LAIR1: variants seen among roughly 807,000 people sequenced by gnomAD.
LAIR1 encodes leukocyte associated immunoglobulin like receptor 1.
In LAIR1, 24 loss-of-function variants were observed where a neutral mutation model predicts 32.8. The observed-to-expected ratio is 0.73, with a 90% confidence interval of 0.53 to 1.03. The LOEUF (loss-of-function observed/expected upper bound fraction) is 1.03, where lower values mean the gene tolerates loss of function less well. LAIR1 is among the 50% of genes least tolerant of loss of function. The pLI, the probability that LAIR1 is intolerant of heterozygous loss-of-function variation, is 0.00. For synonymous variants in LAIR1, 150 were observed against 140.5 expected (o/e 1.07, Z -0.48); for missense variants, 355 against 347.5 (o/e 1.02, Z -0.17).
intron 4 of LAIR1, chr19:54,358,159 CTA>C (rs1170274269): frequency 1.4e-5 from 2 of 140,368 alleles, no homozygotes; most frequent in East Asian, 2.2e-4. Context: ...TGATATAAAC[CTA>C]TGATTAAATA....
At chr19:54,374,610 C>T (rs574271476), upstream of LAIR1, among the ~76,000 whole-genome samples, 8 of 152,226 alleles carry the variant, frequency 5.3e-5, no homozygotes, top group South Asian at 4.1e-4. Flanking sequence ...TGGACAGCTG[C>T]GACGTTTTCC....
chr19:54,362,000 G>T (rs1405495853), intron 2 of LAIR1, among the ~76,000 whole-genome samples: 1 of 151,262 alleles, frequency 6.6e-6, no homozygotes, highest in East Asian at 1.9e-4. Context: ...AGAGCTGGCA[G>T]GGCTTCAATT....
upstream of LAIR1, chr19:54,365,038 T>C: frequency 7.1e-7 from 1 of 1,414,868 alleles, no homozygotes; most frequent in Non-Finnish European, 9.2e-7. Flanking sequence ...ACCCTAAATG[T>C]CGCTTAGAGG....
chr19:54,355,766 G>A lies in LAIR1; in HGVS notation c.717+188C>T, dbSNP rs999459511. Among the ~76,000 whole-genome samples the A allele has an allele frequency of 2.0e-5, 3 of 152,116 alleles. No homozygotes were observed. Among genetic ancestry groups the A allele is most frequent in the Admixed American group, 6.5e-5 (1 of 15,280 alleles). On this transcript the variant is annotated intron_variant, in intron 9 of 9. Transcript: ENST00000391742. The surrounding 1 kb of genome is among the most constrained non-coding windows in gnomAD (Gnocchi z 4.7). ...AGCCGGGGAAGTGAGCGTCTTGGACGTGGATCCTCCAGCCCACGGGAGCCT... is the reference window on the plus strand; with the variant it reads ...AGCCGGGGAAGTGAGCGTCTTGGACATGGATCCTCCAGCCCACGGGAGCCT...
At chr19:54,375,180 A>G (rs1487262717), upstream of LAIR1, among the ~76,000 whole-genome samples, 5 of 152,086 alleles carry the variant, frequency 3.3e-5, no homozygotes, top group South Asian at 4.1e-4. Flanking sequence ...TCCCTCTTCG[A>G]TCGCTAAGCT....
rs1471052132 is a variant in LAIR1, at chr19:54,353,627, G to A, written c.*1641C>T. 2 of 152,110 alleles carry A rather than the reference G, an allele frequency of 1.3e-5. No homozygotes were observed. Among genetic ancestry groups the A allele is most frequent in the Non-Finnish European group, 2.9e-5 (2 of 68,004 alleles). The allele number at this position is 152,110 out of a possible 1,614,324, so 9.4% of individuals were successfully genotyped here. A position where few individuals can be genotyped will look rare whatever the true frequency, so the allele number is the denominator to read the frequency against. ...GAAAATAATAGAGCACGCTGTGGAG[G>A]GTTTGTAGGAGAATTTAATGTGTCC... On this transcript the variant is annotated 3_prime_UTR_variant, in exon 10 of 10. Coordinates refer to ENST00000391742, the MANE Select transcript of LAIR1 (RefSeq NM_002287.6).
chr19:54,361,916 A>G (rs77731267), intron 2 of LAIR1, among the ~76,000 whole-genome samples: 8,284 of 144,448 alleles, frequency 0.057, no homozygotes, highest in Non-Finnish European at 0.089. Flanking sequence ...CTTGGGGTGG[A>G]GGAGGAAGGG....
rs879018633 is a variant in LAIR1, at chr19:54,364,892, T to TG, written c.-89dup. The TG allele has an allele frequency of 4.7e-5, 75 of 1,611,180 alleles. No individual in the cohort carries two copies. The South Asian group carries it at 6.6e-4, about 14-fold the overall frequency. ...GCAGACACAAGCAGACAGGATGTGC[T>TG]GCCCGGGGGCCTCCTGCCTATGGGG... is the stretch of plus-strand genomic sequence containing the variant. On this transcript the variant is annotated 5_prime_UTR_variant, in exon 1 of 10. Transcript: ENST00000391742. The surrounding 1 kb of genome is among the most constrained non-coding windows in gnomAD (Gnocchi z 4.8).
intron 2 of LAIR1, among the ~76,000 whole-genome samples, chr19:54,363,870 T>G (rs1467436069): frequency 6.6e-6 from 1 of 152,166 alleles, no homozygotes; most frequent in East Asian, 1.9e-4. Context: ...TTTTCAGATC[T>G]ATGGCACAGC....
upstream of LAIR1, among the ~76,000 whole-genome samples, chr19:54,365,641 A>T (rs2082228165): frequency 6.6e-6 from 1 of 152,058 alleles, no homozygotes. Context: ...AAATACAAAA[A>T]ATTAGCTGGG....
At chr19:54,360,706 C>T (rs554511270) in intron 3 of LAIR1, 22 of 569,848 alleles carry the variant, frequency 3.9e-5, no homozygotes, top group South Asian at 3.1e-4. Flanking sequence ...CCATCCGTGG[C>T]GTCCAGAGGA....
chr19:54,356,675 A>G, intron 5 of LAIR1, 56 bp from the exon 6 acceptor site: 1 of 1,542,832 alleles, frequency 6.5e-7, no homozygotes, highest in Non-Finnish European at 8.9e-7. Context: ...CACCTACTGT[A>G]TACCACACAC....
At chr19:54,372,407 T>C (rs1300168677), upstream of LAIR1, among the ~76,000 whole-genome samples, 1 of 151,288 alleles carries the variant, frequency 6.6e-6, no homozygotes, top group Non-Finnish European at 1.5e-5. Context: ...TCAGCCAGAA[T>C]GAGCTTCTCC....
upstream of LAIR1, chr19:54,365,012 C>T (rs2082206566): frequency 7.0e-7 from 1 of 1,433,270 alleles, no homozygotes; most frequent in Non-Finnish European, 9.1e-7. Flanking sequence ...GCCTTGGTTT[C>T]TGAAAAATGT....
At chr19:54,373,243 C>T (rs575029948), upstream of LAIR1, among the ~76,000 whole-genome samples, 3 of 151,162 alleles carry the variant, frequency 2.0e-5, no homozygotes, top group Admixed American at 6.6e-5. Context: ...GTGATCGAGA[C>T]CATCCTGGCC....
chr19:54,364,405 G>A lies in LAIR1; in HGVS notation c.35-75C>T, dbSNP rs1319130031. On this transcript the variant is annotated intron_variant, in intron 1 of 9. Transcript: ENST00000391742. This position sits in a 1 kb window ranked among gnomAD's most constrained non-coding sequence, Gnocchi z 4.8. Reference sequence around the variant, plus strand: ...CGGGGCTGCTGTCAAAAGGGGGCTCGATGGAGCTGGGGGGCATTCAGCATT... The same window carrying A: ...CGGGGCTGCTGTCAAAAGGGGGCTCAATGGAGCTGGGGGGCATTCAGCATT... 1.4e-5 allele frequency: 23 copies of A among 1,587,060 alleles called. No homozygotes were observed. Among genetic ancestry groups the A allele is most frequent in the Middle Eastern group, 1.7e-4 (1 of 6,034 alleles).
chr19:54,374,900 C>T (rs564532073), upstream of LAIR1, among the ~76,000 whole-genome samples: 1 of 152,212 alleles, frequency 6.6e-6, no homozygotes, highest in African/African-American at 2.4e-5. Flanking sequence ...CTGTCCTCAG[C>T]CCAGCCCTTC....
upstream of LAIR1, among the ~76,000 whole-genome samples, chr19:54,374,457 G>A (rs931541360): frequency 6.6e-6 from 1 of 152,052 alleles, no homozygotes; most frequent in Non-Finnish European, 1.5e-5. Context: ...GGCCCACTCC[G>A]TTTCCTCTTT....
chr19:54,363,424 G>A (rs551511914), intron 2 of LAIR1, among the ~76,000 whole-genome samples: 15 of 152,150 alleles, frequency 9.9e-5, no homozygotes, highest in South Asian at 4.2e-4. Flanking sequence ...GAAAAGTGCC[G>A]GGCTCAGCCT....
Sources: gnomAD v4.1 joint callset for allele counts (sites outside exome capture counted in the v4.1 genomes callset) on GRCh38, gnomAD v4.1.1 for gene constraint, Gnocchi (gnomAD v3.1) non-coding constraint, MANE v1.5 for transcripts, NCBI Gene and HGNC (gene_info 2026-07-23, HGNC 2026-07-21) for gene names.